GRIP1: variants seen among roughly 807,000 people sequenced by gnomAD.
GRIP1 encodes glutamate receptor interacting protein 1, also known as glutamate receptor-interacting protein 1.
In GRIP1, 45 loss-of-function variants were observed where a neutral mutation model predicts 129.9. That is an observed-to-expected ratio of 0.35 (90% confidence interval 0.27 to 0.44). The LOEUF (loss-of-function observed/expected upper bound fraction) is 0.44, where lower values mean the gene tolerates loss of function less well. Among genes scored for constraint, GRIP1 ranks in the 20% least tolerant of loss-of-function variants. The probability of loss-of-function intolerance (pLI) is 1.00; values close to 1 mark genes in which losing one functional copy is unlikely to be tolerated. For missense variants in GRIP1, 1,196 were observed against 1,396.8 expected, an observed-to-expected ratio of 0.86 and a Z score of 2.29; for synonymous variants, 530 against 520.8, an observed-to-expected ratio of 1.02 and a Z score of -0.24.
At chr12:66,351,832 C>T (rs2054240617) in intron 24 of GRIP1, among the ~76,000 whole-genome samples, 1 of 152,148 alleles carries the variant, frequency 6.6e-6, no homozygotes, top group Non-Finnish European at 1.5e-5. Context: ...GGTGTAAAAA[C>T]ACACCGATGC....
chr12:66,551,143 T>C (rs1473936528), intron 2 of GRIP1, among the ~76,000 whole-genome samples: 2 of 152,256 alleles, frequency 1.3e-5, no homozygotes, highest in Non-Finnish European at 2.9e-5. Flanking sequence ...CAACTACTTA[T>C]GGACTGTTTT....
Position 66,432,620 on chromosome 12 carries a change from T to C in GRIP1, c.1696A>G (p.Ile566Val), listed in dbSNP as rs1437552788. ...EIEFDVAESV[I>V]PSSGTFHVKL... is the part of the protein sequence containing the mutation. ...ACATGAAATGTTCCACTACTTGGGA[T>C]GACAGACTCTAATATCAAAACAAAA... The change falls in exon 14 of 25, where the codon ATC becomes GTC. Residue 566 changes from isoleucine to valine, a missense_variant. Physicochemically the swap from Ile to Val is conservative, Grantham distance 29. This residue lies in a region of GRIP1 where 508 missense variants were observed against 587.0 expected (regional missense o/e 0.87). Coordinates refer to ENST00000359742, the MANE Select transcript of GRIP1 (RefSeq NM_001366722.1). 27 of 1,588,290 alleles carry C rather than the reference T, an allele frequency of 1.7e-5. No individual in the cohort carries two copies. Among genetic ancestry groups the C allele is most frequent in the Non-Finnish European group, 2.2e-5 (25 of 1,157,532 alleles).
chr12:66,861,426 T>C (rs948652104), intron 1 of GRIP1, among the ~76,000 whole-genome samples: 14 of 152,130 alleles, frequency 9.2e-5, no homozygotes, highest in African/African-American at 2.9e-4. Flanking sequence ...AGCTTTTCAA[T>C]GAGATTTACA....
intron 1 of GRIP1, among the ~76,000 whole-genome samples, chr12:67,052,928 T>C (rs898544757): frequency 3.3e-5 from 5 of 152,198 alleles, no homozygotes; most frequent in African/African-American, 1.2e-4. Flanking sequence ...GAATTAGACT[T>C]AGAATCCAAT....
chr12:66,715,406 A>G (rs1423071926), intron 1 of GRIP1, among the ~76,000 whole-genome samples: 1 of 150,686 alleles, frequency 6.6e-6, no homozygotes, highest in Non-Finnish European at 1.5e-5. Flanking sequence ...TAGCCACCAG[A>G]TCTGAACTTA....
chr12:66,999,247 C>G (rs1398479079), intron 1 of GRIP1, among the ~76,000 whole-genome samples: 2 of 152,066 alleles, frequency 1.3e-5, no homozygotes, highest in Admixed American at 6.6e-5. Context: ...TTTCACAGCA[C>G]TGAGAAACAT....
intron 1 of GRIP1, among the ~76,000 whole-genome samples, chr12:66,816,934 T>A (rs1364829767): frequency 1.3e-5 from 2 of 152,126 alleles, no homozygotes; most frequent in Non-Finnish European, 1.5e-5. Flanking sequence ...TTTATAACAT[T>A]TTAACCTACT....
intron 1 of GRIP1, among the ~76,000 whole-genome samples, chr12:67,031,036 C>T (rs1487438502): frequency 6.6e-6 from 1 of 152,064 alleles, no homozygotes; most frequent in Non-Finnish European, 1.5e-5. Flanking sequence ...GTAATAGATA[C>T]ATCCTCAATG....
At chr12:66,897,815 A>G (rs186205264) in intron 1 of GRIP1, among the ~76,000 whole-genome samples, 209 of 152,346 alleles carry the variant, frequency 1.4e-3, no homozygotes, top group African/African-American at 3.2e-3. Context: ...CTTGTTCAAG[A>G]TGTAAGTGTG....
At chr12:66,534,964 G>C (rs1462111729) in intron 4 of GRIP1, among the ~76,000 whole-genome samples, 1 of 152,128 alleles carries the variant, frequency 6.6e-6, no homozygotes, top group East Asian at 1.9e-4. Context: ...AAAGTGCTGG[G>C]ATTACAGGCA....
At chr12:66,395,973 G>A (rs893893364) in intron 16 of GRIP1, among the ~76,000 whole-genome samples, 1 of 152,126 alleles carries the variant, frequency 6.6e-6, no homozygotes, top group African/African-American at 2.4e-5. Context: ...CCTACAGTAC[G>A]ATATTTTGTC....
chr12:66,778,269 T>TAC (rs201879639), intron 1 of GRIP1, among the ~76,000 whole-genome samples: 212 of 151,750 alleles, frequency 1.4e-3, no homozygotes, highest in Middle Eastern at 6.8e-3. Context: ...AAAGAAATTT[T>TAC]ACACACACAC....
At chr12:67,016,687 C>T (rs376241008) in intron 1 of GRIP1, among the ~76,000 whole-genome samples, 1 of 152,156 alleles carries the variant, frequency 6.6e-6, no homozygotes, top group Non-Finnish European at 1.5e-5. Context: ...AAGAAATTAT[C>T]TGGACTGCTC....
intron 1 of GRIP1, among the ~76,000 whole-genome samples, chr12:66,764,045 T>C (rs1261549942): frequency 1.3e-5 from 2 of 152,170 alleles, no homozygotes; most frequent in African/African-American, 4.8e-5. Flanking sequence ...AAGAAAGCTG[T>C]GCAGCTGTGA....
chr12:66,432,458 T>C (rs2058176833), intron 14 of GRIP1, 90 bp downstream of exon 14: 1 of 772,892 alleles, frequency 1.3e-6, no homozygotes. Flanking sequence ...CGCAAAGACA[T>C]ATAAAACATT....
intron 1 of GRIP1, among the ~76,000 whole-genome samples, chr12:66,789,119 C>A (rs1192031718): frequency 6.6e-6 from 1 of 152,086 alleles, no homozygotes; most frequent in Non-Finnish European, 1.5e-5. Context: ...ATTAGGTTGA[C>A]AGAATATAGT....
rs1195465759 is a variant in GRIP1, at chr12:66,456,173, G to C, written c.1198+14C>G. 7.8e-7 allele frequency: 1 copy of C among 1,277,922 alleles called. No homozygotes were observed. Among genetic ancestry groups the C allele is most frequent in the South Asian group, 1.2e-5 (1 of 80,774 alleles). The allele number at this position is 1,277,922 out of a possible 1,614,324, so 79.2% of individuals were successfully genotyped here. ...TGAAATAAAAGACCAGGAGGAGAAAGCATGGAACATTACGAGGGCTGTTTG... is the reference window on the plus strand; with the variant it reads ...TGAAATAAAAGACCAGGAGGAGAAACCATGGAACATTACGAGGGCTGTTTG... On this transcript the variant is annotated intron_variant, in intron 10 of 24. Transcript: ENST00000359742.
intron 2 of GRIP1, among the ~76,000 whole-genome samples, chr12:66,552,818 A>G (rs915091286): frequency 6.6e-6 from 1 of 152,162 alleles, no homozygotes. Flanking sequence ...ATTCATTTCA[A>G]ATAGAGGAAC....
In GRIP1 at chr12:66,563,692, A is replaced by T. The variant is rs537311117; in HGVS notation, c.137-21742T>A. On this transcript the variant is annotated intron_variant, in intron 2 of 24. Transcript: ENST00000359742. ...TTACTGAATTATCTTGGTGCTGCCA[A>T]GCATTGGGCTAGGAATTTCTATTTA... The T allele has an allele frequency of 1.6e-4, 24 of 154,714 alleles. No homozygotes were observed. In the East Asian group the frequency reaches 4.4e-3, roughly 28 times the overall value. The allele number at this position is 154,714 out of a possible 1,614,324, so 9.6% of individuals were successfully genotyped here. A position where few individuals can be genotyped will look rare whatever the true frequency, so the allele number is the denominator to read the frequency against.
Sources: allele counts gnomAD v4.1 joint callset (sites outside exome capture counted in the v4.1 genomes callset), GRCh38; gene constraint gnomAD v4.1.1; regional missense constraint gnomAD v4.1.1; transcripts MANE v1.5; gene names NCBI Gene and HGNC (gene_info 2026-07-23, HGNC 2026-07-21).